DCC: variants seen among roughly 807,000 people sequenced by gnomAD.
The protein encoded by DCC is netrin receptor DCC.
Under a neutral mutation model 172.5 loss-of-function variants are expected in DCC, and 58 were observed. The ratio of observed to expected loss-of-function variants is 0.34; its 90% CI spans 0.27 to 0.42. DCC has a LOEUF of 0.42. DCC is among the 10% of genes least tolerant of loss of function. The pLI is 1.00. For synonymous variants in DCC, 709 were observed against 644.5 expected (o/e 1.10, Z -1.52); for missense variants, 1,740 against 1,791.0 (o/e 0.97, Z 0.51).
chr18:52,470,290 A>G (rs1988910105), intron 1 of DCC, among the ~76,000 whole-genome samples: 1 of 152,148 alleles, frequency 6.6e-6, no homozygotes, highest in Admixed American at 6.5e-5. Context: ...ACAAAAGAAC[A>G]TTTTTAGTAG....
chr18:52,890,914 T>A (rs111578310), intron 2 of DCC, among the ~76,000 whole-genome samples: 1 of 152,186 alleles, frequency 6.6e-6, no homozygotes, highest in African/African-American at 2.4e-5. Flanking sequence ...TCAGCTGTTT[T>A]AAATGTATGT....
chr18:52,792,671 A>G (rs868000046), intron 2 of DCC, among the ~76,000 whole-genome samples: 73 of 151,376 alleles, frequency 4.8e-4, no homozygotes, highest in African/African-American at 1.7e-3. Context: ...CAGGCATGCT[A>G]ATGGTATTTT....
chr18:53,098,603 G>A (rs2043120139), intron 7 of DCC, among the ~76,000 whole-genome samples: 1 of 152,130 alleles, frequency 6.6e-6, no homozygotes. Context: ...GCATCACATT[G>A]GGTGGCATAT....
chr18:52,592,845 A>G (rs887633859), intron 1 of DCC, among the ~76,000 whole-genome samples: 3 of 152,020 alleles, frequency 2.0e-5, no homozygotes, highest in Non-Finnish European at 4.4e-5. Flanking sequence ...GGGTTTTGCT[A>G]TGTTGGCCAG....
At chr18:53,231,501 AT>A (rs1322382414) in intron 12 of DCC, among the ~76,000 whole-genome samples, 2 of 152,156 alleles carry the variant, frequency 1.3e-5, no homozygotes, top group East Asian at 3.8e-4. Flanking sequence ...AATGCAAGCA[AT>A]CAGCTATTCT....
intron 5 of DCC, among the ~76,000 whole-genome samples, chr18:52,961,164 A>T (rs1024524552): frequency 6.6e-6 from 1 of 152,158 alleles, no homozygotes; most frequent in Admixed American, 6.6e-5. Context: ...GGGAGGAGGG[A>T]TAGCATTAGG....
intron 1 of DCC, among the ~76,000 whole-genome samples, chr18:52,515,928 G>GA (rs34820684): frequency 0.59 from 67,292 of 114,702 alleles, 20,832 homozygotes; most frequent in Non-Finnish European, 0.72. Flanking sequence ...TTAGAAAATG[G>GA]AAAAAAAAAA....
At chr18:53,463,758 T>C (rs960922321) in intron 24 of DCC, among the ~76,000 whole-genome samples, 26 of 152,202 alleles carry the variant, frequency 1.7e-4, no homozygotes, top group African/African-American at 6.0e-4. Flanking sequence ...GTTTTGTTGA[T>C]CCAGTTTCAA....
At chr18:52,852,471 C>A (rs569297464) in intron 2 of DCC, among the ~76,000 whole-genome samples, 34 of 152,212 alleles carry the variant, frequency 2.2e-4, no homozygotes, top group Admixed American at 1.3e-3. Flanking sequence ...AACAAAATAT[C>A]TGAGCAGCCA....
intron 27 of DCC, among the ~76,000 whole-genome samples, chr18:53,521,643 G>C (rs1444346165): frequency 6.6e-6 from 1 of 152,058 alleles, no homozygotes; most frequent in Non-Finnish European, 1.5e-5. Context: ...CTATGCCTAT[G>C]CCTTTCACTT....
chr18:53,382,098 ACACACACC>A (rs1161688007), intron 15 of DCC, among the ~76,000 whole-genome samples: 15 of 128,868 alleles, frequency 1.2e-4, no homozygotes, highest in Non-Finnish European at 1.8e-4. Flanking sequence ...ACACACACAC[ACACACACC>A]CCTACCTCCT....
At chr18:52,434,288 A>G (rs1238131624) in intron 1 of DCC, among the ~76,000 whole-genome samples, 1 of 152,168 alleles carries the variant, frequency 6.6e-6, no homozygotes, top group Non-Finnish European at 1.5e-5. Flanking sequence ...TTTGGTCACC[A>G]CAACTAGGGG....
chr18:52,743,226 G>A (rs2036850886), intron 1 of DCC, among the ~76,000 whole-genome samples: 1 of 152,120 alleles, frequency 6.6e-6, no homozygotes, highest in African/African-American at 2.4e-5. Flanking sequence ...ACTTCTTAGT[G>A]TTTTAGTTGA....
At chr18:52,948,254 A>C (rs888456129) in intron 5 of DCC, among the ~76,000 whole-genome samples, 1 of 152,036 alleles carries the variant, frequency 6.6e-6, no homozygotes, top group Non-Finnish European at 1.5e-5. Flanking sequence ...TCTTTTACCA[A>C]TATCATTATG....
intron 1 of DCC, among the ~76,000 whole-genome samples, chr18:52,668,823 T>C (rs2035501838): frequency 6.6e-6 from 1 of 152,248 alleles, no homozygotes; most frequent in African/African-American, 2.4e-5. Context: ...AAATGAAATA[T>C]AGAGCTTCAA....
chr18:53,327,229 G>A (rs1054989692), intron 14 of DCC, among the ~76,000 whole-genome samples: 25 of 152,096 alleles, frequency 1.6e-4, no homozygotes, highest in African/African-American at 4.6e-4. Flanking sequence ...TTTGTTCAGC[G>A]TTCCCTGGAA....
At chr18:52,557,859 C>T (rs1022573197) in intron 1 of DCC, among the ~76,000 whole-genome samples, 1 of 152,158 alleles carries the variant, frequency 6.6e-6, no homozygotes, top group African/African-American at 2.4e-5. Context: ...TGGTTTTAGC[C>T]ATGTTGGCTA....
chr18:52,453,989 G>A (rs998368490), intron 1 of DCC, among the ~76,000 whole-genome samples: 1 of 152,134 alleles, frequency 6.6e-6, no homozygotes, highest in African/African-American at 2.4e-5. Context: ...CCTAGGAAAC[G>A]ACCTCATCAT....
At chr18:52,838,794 A>T (rs1447086522) in intron 2 of DCC, among the ~76,000 whole-genome samples, 1 of 152,224 alleles carries the variant, frequency 6.6e-6, no homozygotes, top group Admixed American at 6.5e-5. Context: ...AGTGAATTTC[A>T]TAGGAGTTCA....
Sources: allele counts gnomAD v4.1 joint callset (sites outside exome capture counted in the v4.1 genomes callset), GRCh38; gene constraint gnomAD v4.1.1; transcripts MANE v1.5; gene names NCBI Gene and HGNC (gene_info 2026-07-23, HGNC 2026-07-21).